The following ZNF469 variants were observed in gnomAD, a reference collection of about 807,000 sequenced individuals.
ZNF469 encodes zinc finger protein 469.
Under a neutral mutation model 1.0 loss-of-function variants are expected in ZNF469, and 1 was observed. The observed-to-expected ratio is 1.00, with a 90% CI of 0.35 to 4.73. ZNF469 has a LOEUF of 4.73. Ranked by LOEUF, ZNF469 falls within the 30% of genes most tolerant of loss-of-function variation. The pLI is 0.16. For synonymous variants in ZNF469, 2,703 were observed against 2,363.4 expected (o/e 1.14, Z -4.17); for missense variants, 6,100 against 5,356.3 (o/e 1.14, Z -4.33).
intron 1 of ZNF469, among the ~76,000 whole-genome samples, chr16:88,397,373 T>A (rs115800288): frequency 2.0e-5 from 3 of 152,160 alleles, no homozygotes; most frequent in Non-Finnish European, 4.4e-5. Flanking sequence ...GGAGTGCCTT[T>A]CCTTCATCAT....
the ZNF469 span, among the ~76,000 whole-genome samples, chr16:88,246,314 C>A: frequency 6.6e-6 from 1 of 152,220 alleles, no homozygotes; most frequent in Non-Finnish European, 1.5e-5. Context: ...GGTACCAGTT[C>A]CATCTTCAGG....
the ZNF469 span, among the ~76,000 whole-genome samples, chr16:88,165,087 C>A: frequency 6.6e-6 from 1 of 152,232 alleles, no homozygotes; most frequent in Non-Finnish European, 1.5e-5. Context: ...TGCCTTTCAT[C>A]CCCTTCATGG....
the ZNF469 span, among the ~76,000 whole-genome samples, chr16:88,125,423 C>A: frequency 6.6e-6 from 1 of 152,334 alleles, no homozygotes; most frequent in East Asian, 1.9e-4. Context: ...CTAAGTCATT[C>A]TATGAAGCCA....
In ZNF469 at chr16:88,416,918, C is replaced by T. The variant is rs1397110799; in HGVS notation, c.-191-7889C>T. ...GGCCTGTCCTGCGGTCGGCGTCTAC[C>T]CCAGGGCCTGGGACTGTCAGGTCAA... On this transcript the variant is annotated intron_variant, in intron 1 of 2. Transcript: ENST00000565624. 2.0e-5 allele frequency among the ~76,000 whole-genome samples: 3 copies of T among 152,326 alleles called. No individual in the cohort carries two copies. The South Asian group carries it at 6.2e-4, about 32-fold the overall frequency.
At chr16:88,115,278 T>G in the ZNF469 span, among the ~76,000 whole-genome samples, 1 of 152,182 alleles carries the variant, frequency 6.6e-6, no homozygotes, top group Non-Finnish European at 1.5e-5. Flanking sequence ...TTGCTGCCAT[T>G]TCTGATCTGC....
the ZNF469 span, among the ~76,000 whole-genome samples, chr16:88,334,479 C>A: frequency 1.3e-5 from 2 of 152,166 alleles, no homozygotes; most frequent in Non-Finnish European, 2.9e-5. Context: ...CATGTCAGAG[C>A]TCAAACAATT....
Position 88,438,307 on chromosome 16 carries a change from G to A in ZNF469, c.10837G>A (p.Gly3613Arg). 1 of 1,549,530 alleles carries A rather than the reference G, an allele frequency of 6.5e-7. No homozygotes were observed. The highest frequency in any genetic ancestry group is 8.7e-7 in the Non-Finnish European group (1 of 1,146,322). ...RPGARGQDAE[G>R]KRAPLVFSGK... is the part of the protein sequence containing the mutation. ...GGGAGCCAGAGGCCAAGATGCGGAG[G>A]GAAAGAGGGCTCCTCTCGTGTTCTC... The change falls in exon 3 of 3, where the codon GGA (glycine) becomes AGA (arginine). Residue 3613 changes from glycine to arginine, a missense_variant. By Grantham distance (125) the Gly-to-Arg change is moderately radical. Coordinates refer to ENST00000565624, the MANE Select transcript of ZNF469 (RefSeq NM_001367624.2).
the ZNF469 span, among the ~76,000 whole-genome samples, chr16:88,184,442 A>C: frequency 6.6e-6 from 1 of 151,792 alleles, no homozygotes; most frequent in Admixed American, 6.6e-5. Flanking sequence ...TGGAAAGAAA[A>C]ATGCAATTTT....
the ZNF469 span, among the ~76,000 whole-genome samples, chr16:88,345,258 G>T: frequency 6.6e-6 from 1 of 152,200 alleles, no homozygotes; most frequent in African/African-American, 2.4e-5. Flanking sequence ...CGCACACCTC[G>T]TGTGACCGTG....
At chr16:88,244,390 T>A in the ZNF469 span, among the ~76,000 whole-genome samples, 2 of 114,606 alleles carry the variant, frequency 1.7e-5, no homozygotes, top group South Asian at 6.7e-4. Flanking sequence ...GGTGAATGCA[T>A]GGGTGGATGG....
chr16:88,253,956 T>TTTTTTTCTCCTA, the ZNF469 span, among the ~76,000 whole-genome samples: 3 of 138,542 alleles, frequency 2.2e-5, no homozygotes, highest in South Asian at 6.7e-4. Flanking sequence ...TCTCCTAGTC[T>TTTTTTTCTCCTA]GTAGCTTTTT....
rs768576385 is a variant in ZNF469, at chr16:88,429,160, G to A, written c.1690G>A (p.Gly564Arg). 39 of 1,549,910 alleles carry A rather than the reference G, an allele frequency of 2.5e-5. No homozygotes were observed. Among genetic ancestry groups the A allele is most frequent in the African/African-American group, 2.2e-4 (16 of 73,086 alleles). Residue 564 changes from glycine to arginine, a missense_variant, in exon 3 of 3, where the codon GGG becomes AGG. Transcript: ENST00000565624. ...CCCTGGGGCTCAGCCCCTGTTCTTC[G>A]GGGTGGCCCAGCCCCAGGTTTCACC... ...TDPGAQPLFFGVAQPQVSPHG... is the reference protein window; with the variant it reads ...TDPGAQPLFFRVAQPQVSPHG...
At chr16:88,188,495 A>G in the ZNF469 span, among the ~76,000 whole-genome samples, 2 of 152,168 alleles carry the variant, frequency 1.3e-5, no homozygotes, top group Non-Finnish European at 2.9e-5. Flanking sequence ...GGCGAAGTGC[A>G]GCTCCTGGAT....
chr16:88,101,820 C>T, the ZNF469 span, among the ~76,000 whole-genome samples: 1 of 152,186 alleles, frequency 6.6e-6, no homozygotes, highest in South Asian at 2.1e-4. Flanking sequence ...GTGACAATCG[C>T]AGCTTCCAAA....
intron 1 of ZNF469, among the ~76,000 whole-genome samples, chr16:88,415,671 G>A (rs892811582): frequency 6.6e-6 from 1 of 152,192 alleles, no homozygotes; most frequent in African/African-American, 2.4e-5. Flanking sequence ...CAGGGAGAGC[G>A]CCCGGAAGTG....
At chr16:88,136,075 A>G in the ZNF469 span, among the ~76,000 whole-genome samples, 9 of 152,014 alleles carry the variant, frequency 5.9e-5, no homozygotes, top group African/African-American at 2.2e-4. Flanking sequence ...GTTTTATTCT[A>G]TGTGTTCAGC....
chr16:88,320,528 C>T, the ZNF469 span, among the ~76,000 whole-genome samples: 1 of 152,120 alleles, frequency 6.6e-6, no homozygotes, highest in African/African-American at 2.4e-5. Flanking sequence ...GGATTACAGG[C>T]GCCCACCACC....
At chr16:88,131,758 TCCAGGG>T in the ZNF469 span, among the ~76,000 whole-genome samples, 1 of 152,230 alleles carries the variant, frequency 6.6e-6, no homozygotes, top group African/African-American at 2.4e-5. Context: ...GGACACTCTG[TCCAGGG>T]ATGGGGTCAG....
rs1355400111 is a variant in ZNF469 at position 88,433,134 on chromosome 16, C to T, written c.5664C>T (p.His1888=). ...VPSPACVSNT[H]PSRRSQDPAL... is the part of the protein sequence containing the mutation. Reference sequence around the variant, plus strand: ...GTCCCGCCTGTGTATCCAACACCCACCCTAGCAGGAGGTCCCAGGACCCAG... The same window carrying T: ...GTCCCGCCTGTGTATCCAACACCCATCCTAGCAGGAGGTCCCAGGACCCAG... Residue 1888 remains histidine, a synonymous_variant, in exon 3 of 3, where the codon CAC becomes CAT. Transcript: ENST00000565624. 8 of 1,550,326 alleles carry T rather than the reference C, an allele frequency of 5.2e-6. No homozygotes were observed. Among genetic ancestry groups the T allele is most frequent in the Non-Finnish European group, 3.5e-6 (4 of 1,146,934 alleles).
Sources: gnomAD v4.1 joint callset for allele counts (sites outside exome capture counted in the v4.1 genomes callset) on GRCh38, gnomAD v4.1.1 for gene constraint, MANE v1.5 for transcripts, NCBI Gene and HGNC (gene_info 2026-07-23, HGNC 2026-07-21) for gene names.